Variants in PRELID2 observed in about 807,000 individuals in gnomAD.
PRELID2 encodes the protein PRELI domain containing 2.
PRELID2 carries 25 observed loss-of-function variants against 28.4 expected under a neutral mutation model. The ratio of observed to expected loss-of-function variants is 0.88; its 90% CI spans 0.64 to 1.23. PRELID2 has a LOEUF of 1.23. Among genes scored for constraint, PRELID2 ranks in the 50% most tolerant of loss-of-function variants. The probability of loss-of-function intolerance (pLI) is 0.00; values close to 1 mark genes in which losing one functional copy is unlikely to be tolerated. For missense variants in PRELID2, 201 were observed against 214.4 expected, an observed-to-expected ratio of 0.94 and a Z score of 0.39; for synonymous variants, 76 against 71.6, an observed-to-expected ratio of 1.06 and a Z score of -0.31.
intron 1 of PRELID2, among the ~76,000 whole-genome samples, chr5:145,667,382 G>A (rs1166099132): frequency 6.6e-6 from 1 of 152,002 alleles, no homozygotes; most frequent in Non-Finnish European, 1.5e-5. Context: ...CAAAGGAAAG[G>A]AAATCAAGAC....
intron 1 of PRELID2, among the ~76,000 whole-genome samples, chr5:145,825,228 A>AAAAC (rs1755102797): frequency 1.6e-5 from 1 of 63,682 alleles, no homozygotes; most frequent in African/African-American, 2.0e-4. Flanking sequence ...TCTGTCTCAA[A>AAAAC]AAAAAAAAAA....
the PRELID2 span, among the ~76,000 whole-genome samples, chr5:145,332,357 G>C: frequency 6.6e-6 from 1 of 152,206 alleles, no homozygotes; most frequent in Admixed American, 6.5e-5. Context: ...ATCCTGAAGA[G>C]TATTTTCCAA....
intron 1 of PRELID2, among the ~76,000 whole-genome samples, chr5:145,694,752 C>T (rs1244833340): frequency 4.0e-5 from 6 of 150,990 alleles, no homozygotes; most frequent in South Asian, 2.1e-4. Flanking sequence ...ACAAAAATCA[C>T]GCTTTCATAT....
chr5:145,716,459 C>A (rs1755846377), intron 1 of PRELID2, among the ~76,000 whole-genome samples: 1 of 152,130 alleles, frequency 6.6e-6, no homozygotes, highest in South Asian at 2.1e-4. Flanking sequence ...ACCTCTTTCT[C>A]ATCTTCAAAG....
chr5:145,650,431 T>C (rs1329260504), intron 1 of PRELID2, among the ~76,000 whole-genome samples: 1 of 151,170 alleles, frequency 6.6e-6, no homozygotes, highest in East Asian at 2.0e-4. Context: ...TGTTTAGTTG[T>C]TCTCATCCAG....
At chr5:145,733,417 T>C (rs1756404472) in intron 1 of PRELID2, among the ~76,000 whole-genome samples, 1 of 152,228 alleles carries the variant, frequency 6.6e-6, no homozygotes, top group East Asian at 1.9e-4. Flanking sequence ...GATTGGCAGT[T>C]GGCTGGTTAA....
chr5:145,737,131 T>C (rs1756517367), intron 1 of PRELID2, among the ~76,000 whole-genome samples: 2 of 152,092 alleles, frequency 1.3e-5, no homozygotes, highest in South Asian at 4.1e-4. Flanking sequence ...ATTTCAATTA[T>C]CTTACTTTAC....
chr5:145,325,929 A>G, the PRELID2 span, among the ~76,000 whole-genome samples: 1 of 152,216 alleles, frequency 6.6e-6, no homozygotes, highest in Non-Finnish European at 1.5e-5. Context: ...CTGTCATGAC[A>G]GAGAAACTGA....
chr5:145,829,953 G>C (rs1755472958), intron 1 of PRELID2, among the ~76,000 whole-genome samples: 1 of 152,126 alleles, frequency 6.6e-6, no homozygotes, highest in Non-Finnish European at 1.5e-5. Flanking sequence ...AGCACACCAG[G>C]CTCCCAGCCA....
chr5:145,621,981 A>T (rs567661776), intron 1 of PRELID2, among the ~76,000 whole-genome samples: 8 of 152,184 alleles, frequency 5.3e-5, no homozygotes, highest in Non-Finnish European at 8.8e-5. Context: ...GTCAACTAAA[A>T]GTAAAACAAA....
At chr5:145,398,944 G>A in the PRELID2 span, among the ~76,000 whole-genome samples, 1 of 152,060 alleles carries the variant, frequency 6.6e-6, no homozygotes, top group African/African-American at 2.4e-5. Flanking sequence ...CAGGGAAAAG[G>A]AGCAGTAATT....
intron 4 of PRELID2, among the ~76,000 whole-genome samples, chr5:145,810,445 A>G (rs1753850322): frequency 6.6e-6 from 1 of 152,180 alleles, no homozygotes; most frequent in South Asian, 2.1e-4. Flanking sequence ...GACCCTGAAT[A>G]CTATTCTTTC....
rs17480668 is a variant in PRELID2, at chr5:145,735,543, C to G, written n.70+29388G>C. Among the ~76,000 whole-genome samples the G allele has an allele frequency of 6.2e-3, 950 of 152,096 alleles. 7 individuals are homozygous for G. The highest frequency in any genetic ancestry group is 0.012 in the Non-Finnish European group (790 of 67,978). On this transcript the variant is annotated intron_variant and non_coding_transcript_variant, in intron 1 of 2. Transcript: ENST00000510259. ...CAAGAAGTATACAGATATTTCATGA[C>G]TGGAGAAAAAAAGAAAAAGAAAGAA...
the PRELID2 span, among the ~76,000 whole-genome samples, chr5:145,364,192 A>G: frequency 6.6e-6 from 1 of 151,994 alleles, no homozygotes; most frequent in Admixed American, 6.6e-5. Flanking sequence ...TTGGCTTAAA[A>G]TAAACACAGA....
At chr5:145,582,271 G>A (rs538199492) in intron 1 of PRELID2, among the ~76,000 whole-genome samples, 4 of 152,138 alleles carry the variant, frequency 2.6e-5, no homozygotes, top group Middle Eastern at 6.8e-3. Flanking sequence ...TCACAGTTCT[G>A]CAGGGCTAAG....
chr5:145,428,864 A>T, the PRELID2 span, among the ~76,000 whole-genome samples: 1 of 152,300 alleles, frequency 6.6e-6, no homozygotes, highest in Non-Finnish European at 1.5e-5. Context: ...AGAGAACAAA[A>T]GTGAAGCCCC....
intron 1 of PRELID2, among the ~76,000 whole-genome samples, chr5:145,538,079 A>G (rs962858921): frequency 1.3e-5 from 2 of 151,944 alleles, no homozygotes; most frequent in African/African-American, 2.4e-5. Context: ...TCCCAGCACC[A>G]TTTATTAAAA....
chr5:145,818,125 T>C, intron 3 of PRELID2, 71 bp from the exon 4 acceptor site: 1 of 1,502,808 alleles, frequency 6.7e-7, no homozygotes, highest in African/African-American at 1.4e-5. Context: ...CATCCAGAGT[T>C]ACTCTCAGTC....
the PRELID2 span, among the ~76,000 whole-genome samples, chr5:145,351,250 A>C: frequency 6.6e-6 from 1 of 152,174 alleles, no homozygotes; most frequent in South Asian, 2.1e-4. Flanking sequence ...AGAAATACCC[A>C]AAACTGGGTA....
Sources: gnomAD v4.1 joint callset for allele counts (sites outside exome capture counted in the v4.1 genomes callset) on GRCh38, gnomAD v4.1.1 for gene constraint, MANE v1.5 for transcripts, NCBI Gene and HGNC (gene_info 2026-07-23, HGNC 2026-07-21) for gene names.